Variants in ST18 observed in about 807,000 individuals in gnomAD.
ST18 encodes suppression of tumorigenicity 18 protein.
In ST18, 50 loss-of-function variants were observed where a neutral mutation model predicts 110.0. That is an observed-to-expected ratio of 0.45 (90% confidence interval 0.36 to 0.58). ST18 has a LOEUF of 0.58. ST18 is among the 20% of genes least tolerant of loss of function. The probability of loss-of-function intolerance (pLI) is 0.00; values close to 1 mark genes in which losing one functional copy is unlikely to be tolerated. For synonymous variants in ST18, 461 were observed against 452.4 expected, an observed-to-expected ratio of 1.02 and a Z score of -0.24; for missense variants, 1,306 against 1,280.1, an observed-to-expected ratio of 1.02 and a Z score of -0.31.
chr8:52,317,273 C>A (rs2096047316), intron 2 of ST18, among the ~76,000 whole-genome samples: 1 of 152,080 alleles, frequency 6.6e-6, no homozygotes, highest in African/African-American at 2.4e-5. Context: ...GGCCCTAAAT[C>A]CAATAATATG....
At chr8:52,213,509 C>T (rs79257891) in intron 7 of ST18, among the ~76,000 whole-genome samples, 2,935 of 151,980 alleles carry the variant, frequency 0.019, 95 homozygotes, top group African/African-American at 0.067. Context: ...GAGGCTGTGG[C>T]GAACCTAGAG....
intron 2 of ST18, among the ~76,000 whole-genome samples, chr8:52,346,687 G>A (rs1449251324): frequency 6.6e-6 from 1 of 152,172 alleles, no homozygotes; most frequent in Admixed American, 6.5e-5. Context: ...AGCTTTGAAG[G>A]AAAATATTTT....
At chr8:52,324,882 C>T (rs1280820676) in intron 2 of ST18, among the ~76,000 whole-genome samples, 1 of 152,156 alleles carries the variant, frequency 6.6e-6, no homozygotes, top group Non-Finnish European at 1.5e-5. Flanking sequence ...CAAAGCTGGA[C>T]TTAATGCCCG....
intron 2 of ST18, among the ~76,000 whole-genome samples, chr8:52,322,836 A>T (rs973381189): frequency 6.6e-6 from 1 of 152,262 alleles, no homozygotes. Flanking sequence ...ACCACACTCA[A>T]GAGTTCACTT....
At chr8:52,145,882 T>C (rs1286540237) in intron 16 of ST18, among the ~76,000 whole-genome samples, 1 of 152,242 alleles carries the variant, frequency 6.6e-6, no homozygotes, top group East Asian at 1.9e-4. Flanking sequence ...TAGTTATTTC[T>C]CAACACTTTC....
intron 2 of ST18, among the ~76,000 whole-genome samples, chr8:52,402,089 C>A (rs1303657899): frequency 6.6e-6 from 1 of 152,158 alleles, no homozygotes; most frequent in Non-Finnish European, 1.5e-5. Context: ...ACCTCAGTGT[C>A]TTCGGCTGTA....
intron 2 of ST18, among the ~76,000 whole-genome samples, chr8:52,348,973 G>A (rs1345803408): frequency 2.0e-5 from 3 of 151,952 alleles, no homozygotes; most frequent in African/African-American, 7.3e-5. Flanking sequence ...CTGAAGTTTT[G>A]TACCCTTTGA....
intron 19 of ST18, among the ~76,000 whole-genome samples, chr8:52,135,636 A>G (rs1210067929): frequency 2.6e-5 from 4 of 151,414 alleles, no homozygotes; most frequent in Non-Finnish European, 5.9e-5. Context: ...AGAAAAGTAT[A>G]TTTCACAGTT....
At chr8:52,342,101 C>T (rs1390462460) in intron 2 of ST18, among the ~76,000 whole-genome samples, 1 of 152,158 alleles carries the variant, frequency 6.6e-6, no homozygotes, top group Non-Finnish European at 1.5e-5. Flanking sequence ...TAAGTGTTCA[C>T]ACCACAAAAC....
chr8:52,172,433 T>C lies in ST18; in HGVS notation c.428A>G (p.Gln143Arg), dbSNP rs969947763. 6.2e-7 allele frequency: 1 copy of C among 1,613,836 alleles called. No homozygotes were observed. Among genetic ancestry groups the C allele is most frequent in the Non-Finnish European group, 8.5e-7 (1 of 1,180,042 alleles). The change falls in exon 10 of 26, where the codon CAG becomes CGG. Residue 143 changes from glutamine (Q) to arginine (R), a missense_variant. Transcript: ENST00000689386. The stretch of plus-strand genomic sequence containing the variant: ...GTCATTTAAATTTTCACTTACAGTC[T>C]GAACAGATACATTTTTTTCAAATTT... ...LGKFEKNVSV[Q>R]TVSENLNDSG...
intron 2 of ST18, among the ~76,000 whole-genome samples, chr8:52,366,814 C>T (rs1828148337): frequency 6.6e-6 from 1 of 152,044 alleles, no homozygotes; most frequent in Admixed American, 6.5e-5. Context: ...TAATGTAAAC[C>T]CCATGAGTTC....
chr8:52,224,514 TTC>T (rs1476584739), intron 3 of ST18, among the ~76,000 whole-genome samples: 2 of 152,182 alleles, frequency 1.3e-5, no homozygotes, highest in African/African-American at 4.8e-5. Context: ...ACAAACACTC[TTC>T]ATTGGCTATA....
chr8:52,392,119 C>T (rs539843423), intron 2 of ST18, among the ~76,000 whole-genome samples: 1 of 152,266 alleles, frequency 6.6e-6, no homozygotes, highest in East Asian at 1.9e-4. Context: ...CATTTATGTG[C>T]CAGGATCTGT....
intron 8 of ST18, among the ~76,000 whole-genome samples, chr8:52,209,863 A>G (rs980012939): frequency 6.7e-6 from 1 of 149,354 alleles, no homozygotes. Context: ...AGTAATTTCT[A>G]TTTCTCCACA....
intron 2 of ST18, among the ~76,000 whole-genome samples, chr8:52,271,024 G>C (rs967573958): frequency 6.6e-6 from 1 of 151,488 alleles, no homozygotes; most frequent in Admixed American, 6.6e-5. Context: ...TCAGCCTCCC[G>C]AGTAGCTGGG....
chr8:52,327,600 AT>A (rs1260260691), intron 2 of ST18, among the ~76,000 whole-genome samples: 1 of 152,082 alleles, frequency 6.6e-6, no homozygotes, highest in African/African-American at 2.4e-5. Flanking sequence ...TTTTTCAGGC[AT>A]TTTTTCTCCA....
chr8:52,327,551 C>A (rs1807063688), intron 2 of ST18, among the ~76,000 whole-genome samples: 1 of 152,232 alleles, frequency 6.6e-6, no homozygotes, highest in South Asian at 2.1e-4. Flanking sequence ...ATATTCTCAG[C>A]AACTTGCTCA....
At chr8:52,254,113 A>T (rs994912370) in intron 2 of ST18, 1 of 152,150 alleles carries the variant, frequency 6.6e-6, no homozygotes, top group African/African-American at 2.4e-5. Flanking sequence ...TCTAAACTTC[A>T]ACCTTTGCTA....
At chr8:52,382,868 G>A (rs891635872) in intron 2 of ST18, among the ~76,000 whole-genome samples, 3 of 151,944 alleles carry the variant, frequency 2.0e-5, no homozygotes, top group East Asian at 3.9e-4. Flanking sequence ...GATGGCTCTC[G>A]GGGGACACGC....
Sources: allele counts gnomAD v4.1 joint callset (sites outside exome capture counted in the v4.1 genomes callset), GRCh38; gene constraint gnomAD v4.1.1; transcripts MANE v1.5; gene names NCBI Gene and HGNC (gene_info 2026-07-23, HGNC 2026-07-21).